Variants in KIAA1328 observed in about 807,000 individuals in gnomAD.
KIAA1328 encodes KIAA1328, also known as protein hinderin.
A neutral mutation model predicts 68.1 loss-of-function variants in KIAA1328; 52 were observed. The ratio of observed to expected loss-of-function variants is 0.76; its 90% CI spans 0.61 to 0.96. The LOEUF (loss-of-function observed/expected upper bound fraction) is 0.96. Among genes scored for constraint, KIAA1328 ranks in the 40% least tolerant of loss-of-function variants. KIAA1328 has a pLI of 0.00. For synonymous variants in KIAA1328, 232 were observed against 239.4 expected, an observed-to-expected ratio of 0.97 and a Z score of 0.28; for missense variants, 641 against 677.6, an observed-to-expected ratio of 0.95 and a Z score of 0.60.
chr18:36,966,062 A>T (rs1487559185), intron 6 of KIAA1328, among the ~76,000 whole-genome samples: 1 of 152,220 alleles, frequency 6.6e-6, no homozygotes, highest in African/African-American at 2.4e-5. Flanking sequence ...AAGAAAGAAC[A>T]AGAATAGGAA....
intron 5 of KIAA1328, among the ~76,000 whole-genome samples, chr18:36,943,466 T>G (rs2050783937): frequency 6.6e-6 from 1 of 152,216 alleles, no homozygotes; most frequent in East Asian, 1.9e-4. Context: ...GATAAACTGC[T>G]TCATCACTGA....
At chr18:37,179,854 C>G (rs1568502151) in intron 9 of KIAA1328, among the ~76,000 whole-genome samples, 1 of 152,014 alleles carries the variant, frequency 6.6e-6, no homozygotes, top group Non-Finnish European at 1.5e-5. Flanking sequence ...GGATGTTACT[C>G]TTGATTCTCT....
At chr18:36,961,019 G>A (rs535877353) in intron 6 of KIAA1328, among the ~76,000 whole-genome samples, 49 of 152,262 alleles carry the variant, frequency 3.2e-4, no homozygotes, top group Non-Finnish European at 1.0e-4. Context: ...ACACTTCTCT[G>A]AGCTAAAGGA....
At chr18:36,885,964 G>T (rs1231936108) in intron 5 of KIAA1328, 11 of 349,770 alleles carry the variant, frequency 3.1e-5, no homozygotes, top group Non-Finnish European at 3.1e-5. Flanking sequence ...TGATCTGCCT[G>T]CCTTGGCCTC....
At chr18:37,191,764 GGAAAC>G (rs2059908622) in intron 9 of KIAA1328, among the ~76,000 whole-genome samples, 1 of 151,870 alleles carries the variant, frequency 6.6e-6, no homozygotes, top group Non-Finnish European at 1.5e-5. Context: ...CAAGAATTAG[GGAAAC>G]AGTTCTTGAG....
intron 7 of KIAA1328, among the ~76,000 whole-genome samples, chr18:37,069,743 G>A (rs1322618790): frequency 6.6e-6 from 1 of 151,904 alleles, no homozygotes. Flanking sequence ...CCTTGCCACA[G>A]GTTTGTTCAT....
At chr18:36,832,297 G>A (rs1178319663) in intron 1 of KIAA1328, among the ~76,000 whole-genome samples, 4 of 152,038 alleles carry the variant, frequency 2.6e-5, no homozygotes, top group African/African-American at 9.7e-5. Context: ...AAAGTAAAAG[G>A]TTTTGTTGGC....
chr18:36,863,920 G>A (rs1348552726), intron 4 of KIAA1328, among the ~76,000 whole-genome samples: 1 of 151,856 alleles, frequency 6.6e-6, no homozygotes, highest in Non-Finnish European at 1.5e-5. Flanking sequence ...TTATTCTTTG[G>A]GATTCTTTTA....
At chr18:37,078,410 T>C (rs1341765806) in intron 7 of KIAA1328, among the ~76,000 whole-genome samples, 1 of 151,926 alleles carries the variant, frequency 6.6e-6, no homozygotes, top group Non-Finnish European at 1.5e-5. Context: ...ATTCAGGACA[T>C]AGGCATGGGC....
chr18:37,212,111 A>G (rs902509193), intron 9 of KIAA1328, among the ~76,000 whole-genome samples: 2 of 152,248 alleles, frequency 1.3e-5, no homozygotes, highest in Non-Finnish European at 2.9e-5. Context: ...GTGTCAAAGG[A>G]AAGTTCAAAC....
At chr18:37,028,849 CT>C in intron 6 of KIAA1328, among the ~76,000 whole-genome samples, 1 of 152,218 alleles carries the variant, frequency 6.6e-6, no homozygotes, top group Middle Eastern at 3.4e-3. Flanking sequence ...TTGAACCAAC[CT>C]TGTATTTCAG....
intron 6 of KIAA1328, among the ~76,000 whole-genome samples, chr18:37,031,511 A>G (rs1162766248): frequency 6.6e-6 from 1 of 152,124 alleles, no homozygotes; most frequent in Non-Finnish European, 1.5e-5. Flanking sequence ...GTATTTGTGG[A>G]ATATGTCCTT....
intron 6 of KIAA1328, among the ~76,000 whole-genome samples, chr18:37,062,778 G>A (rs1354769360): frequency 1.3e-5 from 2 of 152,076 alleles, no homozygotes; most frequent in East Asian, 3.9e-4. Flanking sequence ...TTTAATCCCT[G>A]TTTTACTGGT....
rs34096013 is a variant in KIAA1328 at position 36,913,543 on chromosome 18, TACAC to T, written c.448+27894_448+27897del. On this transcript the variant is annotated intron_variant, in intron 5 of 9. Coordinates refer to ENST00000280020, the MANE Select transcript of KIAA1328 (RefSeq NM_020776.3). ...ACACACTTAGAGGAAAGCAACTGCC[TACAC>T]ACACACACACACACACACACACTAC... 3.1e-4 allele frequency among the ~76,000 whole-genome samples: 41 copies of T among 131,482 alleles called. 1 individual carries two copies. The highest frequency in any genetic ancestry group is 7.4e-4 in the African/African-American group (27 of 36,308). The allele number at this position is 131,482 out of a possible 152,430, so 86.3% of individuals were successfully genotyped here. A position where few individuals can be genotyped will look rare whatever the true frequency, so the allele number is the denominator to read the frequency against.
At chr18:37,195,788 C>T (rs2154218411) in intron 9 of KIAA1328, among the ~76,000 whole-genome samples, 1 of 152,232 alleles carries the variant, frequency 6.6e-6, no homozygotes, top group Non-Finnish European at 1.5e-5. Flanking sequence ...TATTTGGGAT[C>T]TTCTGTGGTT....
chr18:37,105,784 G>A (rs1231752176), intron 7 of KIAA1328, among the ~76,000 whole-genome samples: 1 of 151,142 alleles, frequency 6.6e-6, no homozygotes, highest in Non-Finnish European at 1.5e-5. Flanking sequence ...TGGCTTGGTG[G>A]CAGGCACCTG....
chr18:37,060,551 T>C (rs2056105219), intron 6 of KIAA1328, among the ~76,000 whole-genome samples: 1 of 152,174 alleles, frequency 6.6e-6, no homozygotes, highest in African/African-American at 2.4e-5. Flanking sequence ...TTGTGGGATA[T>C]GAAATCAAAT....
At chr18:37,210,935 C>T (rs2060304396) in intron 9 of KIAA1328, among the ~76,000 whole-genome samples, 1 of 152,138 alleles carries the variant, frequency 6.6e-6, no homozygotes, top group Admixed American at 6.5e-5. Context: ...CAACTGAAAT[C>T]TGAGCCCTGC....
intron 6 of KIAA1328, among the ~76,000 whole-genome samples, chr18:36,971,408 T>G (rs1239763416): frequency 6.6e-6 from 1 of 152,054 alleles, no homozygotes; most frequent in Non-Finnish European, 1.5e-5. Flanking sequence ...GGTCAGTGGA[T>G]CACCTGAGGT....
Sources: allele counts gnomAD v4.1 joint callset (sites outside exome capture counted in the v4.1 genomes callset), GRCh38; gene constraint gnomAD v4.1.1; transcripts MANE v1.5; gene names NCBI Gene and HGNC (gene_info 2026-07-23, HGNC 2026-07-21).